The following FAM227B variants were observed in gnomAD, a reference collection of about 807,000 sequenced individuals.
FAM227B encodes the protein family with sequence similarity 227 member B.
A neutral mutation model predicts 73.8 loss-of-function variants in FAM227B; 88 were observed. That is an observed-to-expected ratio of 1.19 (90% confidence interval 1.00 to 1.42). The LOEUF (loss-of-function observed/expected upper bound fraction) is 1.42, where lower values mean the gene tolerates loss of function less well. Ranked by LOEUF, FAM227B falls within the 40% of genes most tolerant of loss-of-function variation. The pLI, the probability that FAM227B is intolerant of heterozygous loss-of-function variation, is 0.00. For synonymous variants in FAM227B, 210 were observed against 190.5 expected (o/e 1.10, Z -0.84); for missense variants, 632 against 590.9 (o/e 1.07, Z -0.72).
chr15:49,530,524 T>C (rs928499114), intron 10 of FAM227B, among the ~76,000 whole-genome samples: 4 of 151,814 alleles, frequency 2.6e-5, no homozygotes, highest in African/African-American at 9.7e-5. Flanking sequence ...AGATTCTTTC[T>C]GCAAGAAAAA....
At chr15:49,526,664 C>T (rs1055589392) in intron 10 of FAM227B, among the ~76,000 whole-genome samples, 2 of 151,424 alleles carry the variant, frequency 1.3e-5, no homozygotes, top group African/African-American at 4.8e-5. Flanking sequence ...ATTTGCCAAG[C>T]AAAAAAGAAA....
In FAM227B at chr15:49,328,110, T is replaced by C. The variant is rs781211218; in HGVS notation, c.*458A>G. The stretch of plus-strand genomic sequence containing the variant: ...AGCTTAGCACCGGAGAAGCAAAGTT[T>C]GTTTGCTACCAAACCTGGAGGTGGG... On this transcript the variant is annotated 3_prime_UTR_variant, in exon 16 of 16. Transcript: ENST00000299338. The C allele has an allele frequency of 1.9e-6, 3 of 1,614,074 alleles. No individual in the cohort carries two copies. Among genetic ancestry groups the C allele is most frequent in the South Asian group, 2.2e-5 (2 of 91,074 alleles).
At chr15:49,465,284 C>T (rs1049166077) in intron 11 of FAM227B, among the ~76,000 whole-genome samples, 1 of 150,868 alleles carries the variant, frequency 6.6e-6, no homozygotes, top group Non-Finnish European at 1.5e-5. Context: ...CACCTGCCAC[C>T]ATGTCTGGCT....
intron 3 of FAM227B, among the ~76,000 whole-genome samples, chr15:49,600,683 C>G (rs528484394): frequency 4.7e-5 from 7 of 150,004 alleles, no homozygotes; most frequent in Non-Finnish European, 1.0e-4. Flanking sequence ...CAGCCAGCCA[C>G]TTAACATCTG....
chr15:49,436,161 T>C (rs1419922405), intron 11 of FAM227B, among the ~76,000 whole-genome samples: 4 of 151,594 alleles, frequency 2.6e-5, no homozygotes, highest in Non-Finnish European at 1.5e-5. Context: ...TTACTTCCTA[T>C]TTAGATGTTG....
chr15:49,469,318 G>A (rs1325340032), intron 11 of FAM227B, among the ~76,000 whole-genome samples: 1 of 152,050 alleles, frequency 6.6e-6, no homozygotes, highest in Non-Finnish European at 1.5e-5. Flanking sequence ...GAAAACTGCT[G>A]TTTATTCCAG....
At chr15:49,397,806 T>G (rs968168046) in intron 11 of FAM227B, among the ~76,000 whole-genome samples, 1 of 152,120 alleles carries the variant, frequency 6.6e-6, no homozygotes, top group Admixed American at 6.5e-5. Flanking sequence ...CTGAGACATT[T>G]TGTCACCACC....
chr15:49,348,950 AT>A lies in FAM227B; in HGVS notation c.1272-13455del, dbSNP rs1013373442. ...CTAACTCTCCAGAATGAGAATTCAT[AT>A]TTCCCCCCTTATTCTTCCGTTGAGT... On this transcript the variant is annotated intron_variant, in intron 13 of 15. Coordinates refer to ENST00000299338, the MANE Select transcript of FAM227B (RefSeq NM_152647.3). Among the ~76,000 whole-genome samples, 9 of 152,326 alleles carry A rather than the reference AT, an allele frequency of 5.9e-5. No individual in the cohort carries two copies. The East Asian group carries it at 1.7e-3, about 29-fold the overall frequency.
At chr15:49,593,605 CAAGTCCCCA>C (rs915933449) in intron 3 of FAM227B, among the ~76,000 whole-genome samples, 1 of 151,838 alleles carries the variant, frequency 6.6e-6, no homozygotes, top group Non-Finnish European at 1.5e-5. Context: ...ACCCTTCCCC[CAAGTCCCCA>C]AAGTCCACTG....
At chr15:49,541,841 A>C (rs752917991) in intron 9 of FAM227B, 35 bp from the exon 10 acceptor site, 14 of 1,286,774 alleles carry the variant, frequency 1.1e-5, no homozygotes, top group Non-Finnish European at 1.2e-5. Context: ...TTAATTTTAT[A>C]TTTTTAAATT....
intron 11 of FAM227B, chr15:49,483,040 T>C: frequency 1.4e-6 from 1 of 718,314 alleles, no homozygotes; most frequent in East Asian, 2.7e-5. Context: ...ATAATCACAT[T>C]AAAAATTTTA....
intron 6 of FAM227B, 61 bp from the exon 7 acceptor site, chr15:49,576,906 CAT>C: frequency 2.3e-6 from 2 of 879,844 alleles, no homozygotes; most frequent in Non-Finnish European, 3.6e-6. Flanking sequence ...ATAGTAGACT[CAT>C]ATAACTACAG....
intron 8 of FAM227B, among the ~76,000 whole-genome samples, chr15:49,570,236 A>G (rs2074991664): frequency 6.6e-6 from 1 of 151,982 alleles, no homozygotes; most frequent in Non-Finnish European, 1.5e-5. Flanking sequence ...GTAGCAATTC[A>G]TATTTCCAAT....
rs372703426 is a variant in FAM227B, at chr15:49,508,204, T to A, written c.1012+7A>T. The A allele has an allele frequency of 1.2e-6, 2 of 1,602,728 alleles. No homozygotes were observed. The highest frequency in any genetic ancestry group is 1.7e-6 in the Non-Finnish European group (2 of 1,176,582). On this transcript the variant is annotated splice_region_variant and intron_variant, in intron 11 of 15. Transcript: ENST00000299338. ...TCCATTTGGCAGTATACAGAAACTT[T>A]ACTTACTAGTTGATATATGTTCTTG... is the stretch of plus-strand genomic sequence containing the variant.
At chr15:49,352,483 C>T (rs2042395111) in intron 13 of FAM227B, among the ~76,000 whole-genome samples, 1 of 152,136 alleles carries the variant, frequency 6.6e-6, no homozygotes, top group Non-Finnish European at 1.5e-5. Context: ...GTATTGGTAG[C>T]CAAGGGCCTT....
At chr15:49,481,024 C>T (rs1192110127) in intron 11 of FAM227B, among the ~76,000 whole-genome samples, 1 of 152,178 alleles carries the variant, frequency 6.6e-6, no homozygotes, top group African/African-American at 2.4e-5. Context: ...TCATGAAAGA[C>T]ACTCTAAACT....
chr15:49,462,255 T>C (rs2053868818), intron 11 of FAM227B, among the ~76,000 whole-genome samples: 1 of 152,208 alleles, frequency 6.6e-6, no homozygotes, highest in Non-Finnish European at 1.5e-5. Flanking sequence ...CATATATGAG[T>C]ACACTGAAAG....
chr15:49,349,439 TTCTC>T (rs1182221007), intron 13 of FAM227B, among the ~76,000 whole-genome samples: 1 of 152,186 alleles, frequency 6.6e-6, no homozygotes, highest in Non-Finnish European at 1.5e-5. Context: ...TAAAATGTCT[TTCTC>T]TAAGAGCAAA....
rs369651115 is a variant in FAM227B at position 49,390,078 on chromosome 15, T to C, written c.1013-18679A>G. Among the ~76,000 whole-genome samples, 73 of 152,180 alleles carry C rather than the reference T, an allele frequency of 4.8e-4. No individual in the cohort carries two copies. In the South Asian group the frequency reaches 0.014, roughly 28 times the overall value. ...GGACTGCAAACTGTCTTTAAGTTCA[T>C]TGAAGATAAGTATGAACACGGGGCT... On this transcript the variant is annotated intron_variant, in intron 11 of 15. Transcript: ENST00000299338.
Sources: gnomAD v4.1 joint callset for allele counts (sites outside exome capture counted in the v4.1 genomes callset) on GRCh38, gnomAD v4.1.1 for gene constraint, MANE v1.5 for transcripts, NCBI Gene and HGNC (gene_info 2026-07-23, HGNC 2026-07-21) for gene names.